The following KLKB1 variants were observed in gnomAD, a reference collection of about 807,000 sequenced individuals.
The protein encoded by KLKB1 is plasma kallikrein.
A neutral mutation model predicts 73.6 loss-of-function variants in KLKB1; 58 were observed. The observed-to-expected ratio is 0.79, with a 90% CI of 0.64 to 0.98. The LOEUF is 0.98. KLKB1 is among the 50% of genes least tolerant of loss of function. The pLI is 0.00. For missense variants in KLKB1, 737 were observed against 763.8 expected (o/e 0.96, Z 0.41); for synonymous variants, 280 against 258.1 (o/e 1.08, Z -0.81).
At chr4:186,226,067 A>T (rs1487517351), upstream of KLKB1, among the ~76,000 whole-genome samples, 2 of 151,738 alleles carry the variant, frequency 1.3e-5, no homozygotes, top group Non-Finnish European at 2.9e-5. Context: ...AATTTTTTCA[A>T]TTCAGTCATT....
At position 186,254,902 on chromosome 4, in the gene KLKB1, G is replaced by A. The variant is rs190531215; in HGVS notation, c.1489+139G>A. On this transcript the variant is annotated intron_variant, in intron 12 of 14. Coordinates refer to ENST00000264690, the MANE Select transcript of KLKB1 (RefSeq NM_000892.5). Reference sequence around the variant, plus strand: ...AGTTGAGGGAAACGTGAGGGTTGCTGGGAAGTGAAGACCCCGCGACTTGCC... The same window carrying A: ...AGTTGAGGGAAACGTGAGGGTTGCTAGGAAGTGAAGACCCCGCGACTTGCC... The A allele has an allele frequency of 2.6e-3, 1,833 of 707,338 alleles. 5 individuals carry two copies. Among genetic ancestry groups the A allele is most frequent in the Non-Finnish European group, 3.1e-3 (1,295 of 419,752 alleles). The allele number at this position is 707,338 out of a possible 1,614,324, so 43.8% of individuals were successfully genotyped here. A position where few individuals can be genotyped will look rare whatever the true frequency, so the allele number is the denominator to read the frequency against.
chr4:186,235,642 C>T (rs1206561169), intron 4 of KLKB1, among the ~76,000 whole-genome samples: 1 of 152,140 alleles, frequency 6.6e-6, no homozygotes, highest in African/African-American at 2.4e-5. Flanking sequence ...CTGTCTTTCC[C>T]ACCCTTAAAT....
At position 186,251,541 on chromosome 4, in the gene KLKB1, A is replaced by G; in HGVS notation, c.923A>G (p.Asn308Ser). ...GTTGACTTTGGAGGAGAAGAATTGAATGTGACTTTTGTTAAAGGAGTGAAT... is the reference window on the plus strand; with the variant it reads ...GTTGACTTTGGAGGAGAAGAATTGAGTGTGACTTTTGTTAAAGGAGTGAAT... ...PGVDFGGEEL[N>S]VTFVKGVNVC... Residue 308 changes from asparagine (N) to serine (S), a missense_variant, in exon 9 of 15, where the codon AAT (asparagine) becomes AGT (serine). Transcript: ENST00000264690. 1 of 1,614,078 alleles carries G rather than the reference A, an allele frequency of 6.2e-7. No homozygotes were observed. The highest frequency in any genetic ancestry group is 1.1e-5 in the South Asian group (1 of 91,084).
upstream of KLKB1, among the ~76,000 whole-genome samples, chr4:186,225,734 G>C (rs754505289): frequency 6.6e-6 from 1 of 151,940 alleles, no homozygotes; most frequent in Admixed American, 6.6e-5. Context: ...GCACCTGGCC[G>C]AGGATCTCTT....
At position 186,258,274 on chromosome 4, in the gene KLKB1, G is replaced by A; in HGVS notation, c.*62G>A. 7.1e-7 allele frequency: 1 copy of A among 1,409,720 alleles called. No individual in the cohort carries two copies. Among genetic ancestry groups the A allele is most frequent in the Non-Finnish European group, 9.9e-7 (1 of 1,010,758 alleles). The allele number at this position is 1,409,720 out of a possible 1,614,324, so 87.3% of individuals were successfully genotyped here. Reference sequence around the variant, plus strand: ...AGTTCAAGTCAAATTCTGAGCCTGGGGGGTCCTCATCTGCAAAGCATGGAG... The same window carrying A: ...AGTTCAAGTCAAATTCTGAGCCTGGAGGGTCCTCATCTGCAAAGCATGGAG... On this transcript the variant is annotated 3_prime_UTR_variant, in exon 15 of 15. Transcript: ENST00000264690.
chr4:186,253,551 A>G (rs1456161331), intron 11 of KLKB1, among the ~76,000 whole-genome samples: 2 of 152,318 alleles, frequency 1.3e-5, no homozygotes, highest in Non-Finnish European at 2.9e-5. Flanking sequence ...TTGAAGGCTC[A>G]GTATTGTGAG....
rs1417158366 is a variant in KLKB1 at position 186,258,032 on chromosome 4, T to A, written c.1737T>A (p.Gly579=). Residue 579 remains glycine, a synonymous_variant, in exon 15 of 15, where the codon GGT becomes GGA. Coordinates refer to ENST00000264690, the MANE Select transcript of KLKB1 (RefSeq NM_000892.5). The stretch of plus-strand genomic sequence containing the variant: ...CCACTGTGACTCAGGGAGATTCAGG[T>A]GGTCCCTTAGTTTGCAAACACAATG... ...GGKDACKGDS[G]GPLVCKHNGM... is the part of the protein sequence containing the mutation. The A allele has an allele frequency of 6.2e-7, 1 of 1,613,938 alleles. No individual in the cohort carries two copies. Among genetic ancestry groups the A allele is most frequent in the East Asian group, 2.2e-5 (1 of 44,892 alleles).
At position 186,252,009 on chromosome 4, in the gene KLKB1, C is replaced by G; in HGVS notation, c.1145-8C>G. ...TTCCAACCATTAGCGTCAACGCTCTCTTTTCAGTCTGCACAACAAAAACAA... is the reference window on the plus strand; with the variant it reads ...TTCCAACCATTAGCGTCAACGCTCTGTTTTCAGTCTGCACAACAAAAACAA... On this transcript the variant is annotated splice_polypyrimidine_tract_variant and splice_region_variant and intron_variant, in intron 10 of 14. Coordinates refer to ENST00000264690, the MANE Select transcript of KLKB1 (RefSeq NM_000892.5). 6.2e-7 allele frequency: 1 copy of G among 1,614,162 alleles called. No homozygotes were observed. Among genetic ancestry groups the G allele is most frequent in the Non-Finnish European group, 8.5e-7 (1 of 1,179,996 alleles).
chr4:186,241,597 A>T (rs149112020), intron 6 of KLKB1, among the ~76,000 whole-genome samples: 122 of 152,346 alleles, frequency 8.0e-4, no homozygotes, highest in Middle Eastern at 3.4e-3. Context: ...CAACTCTGAC[A>T]TGGAAAATTC....
At position 186,258,032 on chromosome 4, in the gene KLKB1, T is replaced by G; in HGVS notation, c.1737T>G (p.Gly579=). The G allele has an allele frequency of 5.6e-6, 9 of 1,613,938 alleles. No individual in the cohort carries two copies. The highest frequency in any genetic ancestry group is 7.6e-6 in the Non-Finnish European group (9 of 1,179,826). ...CCACTGTGACTCAGGGAGATTCAGGTGGTCCCTTAGTTTGCAAACACAATG... is the reference window on the plus strand; with the variant it reads ...CCACTGTGACTCAGGGAGATTCAGGGGGTCCCTTAGTTTGCAAACACAATG... The part of the protein sequence containing the change: ...GGKDACKGDS[G]GPLVCKHNGM... The change falls in exon 15 of 15, where the codon GGT becomes GGG. Residue 579 remains glycine, a synonymous_variant. Coordinates refer to ENST00000264690, the MANE Select transcript of KLKB1 (RefSeq NM_000892.5).
chr4:186,228,004 G>C lies in KLKB1; in HGVS notation c.-1-191G>C, dbSNP rs534296109. On this transcript the variant is annotated intron_variant, in intron 1 of 14. Transcript: ENST00000264690. ...TCTGGAGGTCTCAATTTGTATCTTGGGAAGCATTATAAATTTTCCAACTCC... is the reference window on the plus strand; with the variant it reads ...TCTGGAGGTCTCAATTTGTATCTTGCGAAGCATTATAAATTTTCCAACTCC... 6.6e-5 allele frequency among the ~76,000 whole-genome samples: 10 copies of C among 152,016 alleles called. No individual in the cohort carries two copies. The East Asian group carries it at 1.7e-3, about 26-fold the overall frequency.
rs4253379 is a variant in KLKB1, at chr4:186,251,789, A to G, written c.1072A>G (p.Thr358Ala). Reference protein sequence around the residue: ...FLRLSMDGSPTRIAYGTQGSS... With the variant: ...FLRLSMDGSPARIAYGTQGSS... ...AAGATTATCTATGGATGGTTCTCCA[A>G]CTAGGATTGCGTATGGGACACAAGG... Residue 358 changes from threonine to alanine, a missense_variant, in exon 10 of 15, where the codon ACT becomes GCT. Transcript: ENST00000264690. 2.0e-3 allele frequency: 3,250 copies of G among 1,614,100 alleles called. 70 individuals carry two copies. The African/African-American group carries it at 0.038, about 19-fold the overall frequency.
chr4:186,235,906 G>C (rs1447983440), intron 4 of KLKB1, among the ~76,000 whole-genome samples: 1 of 151,974 alleles, frequency 6.6e-6, no homozygotes, highest in Non-Finnish European at 1.5e-5. Flanking sequence ...ACGAGGTCAG[G>C]AGATCGAGAC....
chr4:186,210,972 G>A (rs1019012967), intron 2 of KLKB1: 10 of 252,808 alleles, frequency 4.0e-5, no homozygotes, highest in African/African-American at 1.9e-4. Context: ...AAGTAGCTGG[G>A]ATTACAGGTG....
chr4:186,235,924 G>T (rs926099277), intron 4 of KLKB1, among the ~76,000 whole-genome samples: 4 of 151,810 alleles, frequency 2.6e-5, no homozygotes, highest in South Asian at 4.2e-4. Context: ...GACCATCCTG[G>T]CTGACACGGT....
At chr4:186,238,688 C>T (rs996104504) in intron 6 of KLKB1, among the ~76,000 whole-genome samples, 2 of 152,124 alleles carry the variant, frequency 1.3e-5, no homozygotes, top group Non-Finnish European at 2.9e-5. Flanking sequence ...GGAATGCAGG[C>T]GGCCTCTAGA....
intron 2 of KLKB1, 66 bp from the exon 3 acceptor site, chr4:186,232,061 C>A: frequency 1.5e-6 from 2 of 1,333,374 alleles, no homozygotes; most frequent in Non-Finnish European, 2.1e-6. Flanking sequence ...GTTAAGACAA[C>A]AGATATCTTT....
At chr4:186,240,355 A>T (rs950857412) in intron 6 of KLKB1, among the ~76,000 whole-genome samples, 3 of 151,976 alleles carry the variant, frequency 2.0e-5, no homozygotes, top group African/African-American at 7.3e-5. Flanking sequence ...ACGTTGTAAT[A>T]GTTATAGGAC....
chr4:186,252,454 A>G (rs1229148154), intron 11 of KLKB1, among the ~76,000 whole-genome samples: 1 of 151,064 alleles, frequency 6.6e-6, no homozygotes, highest in African/African-American at 2.5e-5. Flanking sequence ...CCAACCCACC[A>G]CCCACCACCA....
Sources: allele counts gnomAD v4.1 joint callset (sites outside exome capture counted in the v4.1 genomes callset), GRCh38; gene constraint gnomAD v4.1.1; transcripts MANE v1.5; gene names NCBI Gene and HGNC (gene_info 2026-07-23, HGNC 2026-07-21).